PPP1R37: variants seen among roughly 807,000 people sequenced by gnomAD.
The protein encoded by PPP1R37 is leucine rich repeat containing 68.
In PPP1R37, 21 loss-of-function variants were observed where a neutral mutation model predicts 61.0. The observed-to-expected ratio is 0.34, with a 90% CI of 0.24 to 0.50. The LOEUF is 0.50. Ranked by LOEUF, PPP1R37 falls within the 20% of genes least tolerant of loss-of-function variation. PPP1R37 has a pLI of 0.98. For missense variants in PPP1R37, 910 were observed against 952.7 expected (o/e 0.96, Z 0.59); for synonymous variants, 443 against 433.5 (o/e 1.02, Z -0.27).
chr19:45,105,347 T>A (rs1010719252), intron 1 of PPP1R37, among the ~76,000 whole-genome samples: 1 of 152,076 alleles, frequency 6.6e-6, no homozygotes, highest in South Asian at 2.1e-4. Context: ...GTTGACTTGC[T>A]GGGGGTCATA....
At chr19:45,140,460 A>T in intron 3 of PPP1R37, 46 bp from the exon 4 acceptor site, 1 of 1,468,778 alleles carries the variant, frequency 6.8e-7, no homozygotes, top group East Asian at 2.5e-5. Flanking sequence ...CAGCCATGCA[A>T]AGGTGCACTG....
chr19:45,100,655 G>A (rs572964827), intron 1 of PPP1R37, among the ~76,000 whole-genome samples: 14 of 152,332 alleles, frequency 9.2e-5, no homozygotes, highest in African/African-American at 2.9e-4. Context: ...GTGCTTGGAC[G>A]CATTCGGTGC....
chr19:45,123,135 T>C (rs940474144), intron 1 of PPP1R37, among the ~76,000 whole-genome samples: 1 of 152,110 alleles, frequency 6.6e-6, no homozygotes, highest in African/African-American at 2.4e-5. Context: ...TTGATGCTGT[T>C]CTGCCACTGC....
At chr19:45,102,926 G>A (rs1968082708) in intron 1 of PPP1R37, among the ~76,000 whole-genome samples, 1 of 152,238 alleles carries the variant, frequency 6.6e-6, no homozygotes, top group Admixed American at 6.5e-5. Context: ...GGGGTCTGCT[G>A]TTTCAGCTAA....
intron 1 of PPP1R37, among the ~76,000 whole-genome samples, chr19:45,114,478 C>G (rs1235848165): frequency 6.6e-6 from 1 of 152,208 alleles, no homozygotes; most frequent in Non-Finnish European, 1.5e-5. Context: ...GCAGGCTTAG[C>G]TAGGACCCCA....
intron 1 of PPP1R37, among the ~76,000 whole-genome samples, chr19:45,103,251 G>A (rs1021130489): frequency 4.6e-5 from 7 of 152,342 alleles, no homozygotes; most frequent in Admixed American, 4.6e-4. Flanking sequence ...CTCAAGGTGG[G>A]GGTGGAGGTT....
chr19:45,106,077 G>T (rs1968126079), intron 1 of PPP1R37, among the ~76,000 whole-genome samples: 1 of 152,150 alleles, frequency 6.6e-6, no homozygotes, highest in Non-Finnish European at 1.5e-5. Context: ...TGTGCTTACT[G>T]CCTTCCAGTG....
At chr19:45,131,594 A>C (rs563769675) in intron 1 of PPP1R37, among the ~76,000 whole-genome samples, 21 of 152,288 alleles carry the variant, frequency 1.4e-4, no homozygotes, top group African/African-American at 5.1e-4. Flanking sequence ...TTGTGCATGG[A>C]AAGTACTTAG....
Position 45,144,862 on chromosome 19 carries a change from T to G in PPP1R37, c.996T>G (p.Thr332=), listed in dbSNP as rs1356858573. 2 of 1,532,880 alleles carry G rather than the reference T, an allele frequency of 1.3e-6. No homozygotes were observed. The highest frequency in any genetic ancestry group is 1.7e-6 in the Non-Finnish European group (2 of 1,145,302). 95.0% of individuals were successfully genotyped at this position (1,532,880 alleles called of 1,614,324 possible). ...MAFLGMTLPH[T]QSLETLNLGH... is the part of the protein sequence containing the mutation. ...ACACCCCCTCCCTCCAGCCGCACAC[T>G]CAGAGCCTGGAGACGCTGAACCTGG... The change falls in exon 9 of 13, where the codon ACT becomes ACG. Residue 332 remains threonine (T), a synonymous_variant. Transcript: ENST00000221462.
rs1393666887 is a variant in PPP1R37 at position 45,130,998 on chromosome 19, C to T, written c.203-7516C>T. ...TGGATGACTGTGTCTGTTTCCCCCG[C>T]CCTGCTCCAGGCTGGCACGGATGGT... is the stretch of plus-strand genomic sequence containing the variant. On this transcript the variant is annotated intron_variant, in intron 1 of 12. Coordinates refer to ENST00000221462, the MANE Select transcript of PPP1R37 (RefSeq NM_019121.2). The surrounding 1 kb of genome is among the most constrained non-coding windows in gnomAD (Gnocchi z 4.4). Among the ~76,000 whole-genome samples the T allele has an allele frequency of 6.6e-6, 1 of 152,176 alleles. No homozygotes were observed. The highest frequency in any genetic ancestry group is 1.5e-5 in the Non-Finnish European group (1 of 68,024).
chr19:45,093,972 C>G (rs1419724565), intron 1 of PPP1R37, among the ~76,000 whole-genome samples: 2 of 152,136 alleles, frequency 1.3e-5, no homozygotes, highest in Non-Finnish European at 2.9e-5. Flanking sequence ...GGTCTGCAAG[C>G]CTTGGGGCAA....
intron 1 of PPP1R37, among the ~76,000 whole-genome samples, chr19:45,120,802 G>A (rs1255871065): frequency 1.3e-5 from 2 of 151,868 alleles, no homozygotes; most frequent in Admixed American, 1.3e-4. Context: ...TAGTAGAGAC[G>A]GGGGTTTCAC....
At chr19:45,104,022 C>T (rs980018279) in intron 1 of PPP1R37, among the ~76,000 whole-genome samples, 5 of 152,074 alleles carry the variant, frequency 3.3e-5, no homozygotes, top group Non-Finnish European at 5.9e-5. Flanking sequence ...CTGCCTAGCA[C>T]GCCCCTCGCT....
chr19:45,118,290 G>A (rs1968296220), intron 1 of PPP1R37, among the ~76,000 whole-genome samples: 1 of 152,190 alleles, frequency 6.6e-6, no homozygotes, highest in Admixed American at 6.5e-5. Context: ...GAAGCCCGGG[G>A]CCTGTGACCT....
At chr19:45,139,061 A>G (rs1394934278) in intron 2 of PPP1R37, among the ~76,000 whole-genome samples, 9 of 151,612 alleles carry the variant, frequency 5.9e-5, no homozygotes, top group African/African-American at 1.9e-4. Context: ...TTACATGTGC[A>G]CGCCACCATG....
chr19:45,126,130 C>T (rs1043839799), intron 1 of PPP1R37, among the ~76,000 whole-genome samples: 1 of 152,214 alleles, frequency 6.6e-6, no homozygotes, highest in African/African-American at 2.4e-5. Flanking sequence ...CTCCTTGAGA[C>T]GCTGTCCCAC....
Position 45,121,359 on chromosome 19 carries a change from G to T in PPP1R37, c.203-17155G>T, listed in dbSNP as rs1968340514. Among the ~76,000 whole-genome samples, 1 of 152,266 alleles carries T rather than the reference G, an allele frequency of 6.6e-6. No individual in the cohort carries two copies. ...CTCCCTGCCATGGGAGGCAGTGCAT[G>T]TGTCAGCCATGGCCCTCGGCTGTAA... is the stretch of plus-strand genomic sequence containing the variant. On this transcript the variant is annotated intron_variant, in intron 1 of 12. Transcript: ENST00000221462. This position sits in a 1 kb window ranked among gnomAD's most constrained non-coding sequence, Gnocchi z 4.2.
intron 1 of PPP1R37, among the ~76,000 whole-genome samples, chr19:45,103,972 C>T (rs535006437): frequency 1.3e-5 from 2 of 152,230 alleles, no homozygotes; most frequent in African/African-American, 4.8e-5. Context: ...TGTGGGAGGC[C>T]TTTCCCACAG....
chr19:45,136,272 G>C (rs1361472080), intron 1 of PPP1R37: 2 of 152,164 alleles, frequency 1.3e-5, no homozygotes, highest in Admixed American at 1.3e-4. Context: ...TGATGCAATG[G>C]GAAAATATCT....
Sources: allele counts gnomAD v4.1 joint callset (sites outside exome capture counted in the v4.1 genomes callset), GRCh38; gene constraint gnomAD v4.1.1; non-coding constraint Gnocchi (gnomAD v3.1); transcripts MANE v1.5; gene names NCBI Gene and HGNC (gene_info 2026-07-23, HGNC 2026-07-21).